Variants in PEPD observed in about 807,000 individuals in gnomAD.
The protein encoded by PEPD is peptidase D.
PEPD carries 53 observed loss-of-function variants against 60.7 expected under a neutral mutation model. That is an observed-to-expected ratio of 0.87 (90% confidence interval 0.70 to 1.10). The LOEUF (loss-of-function observed/expected upper bound fraction) is 1.10, where lower values mean the gene tolerates loss of function less well. Among genes scored for constraint, PEPD ranks in the 50% least tolerant of loss-of-function variants. PEPD has a pLI of 0.00. For synonymous variants in PEPD, 267 were observed against 284.1 expected (o/e 0.94, Z 0.60); for missense variants, 711 against 711.9 (o/e 1.00, Z 0.01).
At chr19:33,469,191 C>G (rs1970076186) in intron 7 of PEPD, among the ~76,000 whole-genome samples, 2 of 152,162 alleles carry the variant, frequency 1.3e-5, no homozygotes, top group African/African-American at 4.8e-5. Context: ...AGATCCCTGG[C>G]CCTTCTCTAT....
At chr19:33,479,852 T>C (rs1970283102) in intron 6 of PEPD, among the ~76,000 whole-genome samples, 3 of 152,254 alleles carry the variant, frequency 2.0e-5, no homozygotes, top group Admixed American at 2.0e-4. Context: ...TTCCATGTGT[T>C]TGCTATTGTG....
At chr19:33,497,644 C>T (rs1236414349) in intron 4 of PEPD, among the ~76,000 whole-genome samples, 5 of 152,314 alleles carry the variant, frequency 3.3e-5, no homozygotes, top group African/African-American at 9.6e-5. Flanking sequence ...ACAGCTAAGG[C>T]CACCCCAAGT....
At chr19:33,419,191 C>G (rs1194351166) in intron 9 of PEPD, among the ~76,000 whole-genome samples, 2 of 152,104 alleles carry the variant, frequency 1.3e-5, no homozygotes, top group African/African-American at 4.8e-5. Flanking sequence ...CTTGCATGGA[C>G]CATCTCCATG....
At chr19:33,486,272 C>A (rs1271315767) in intron 6 of PEPD, among the ~76,000 whole-genome samples, 2 of 133,374 alleles carry the variant, frequency 1.5e-5, no homozygotes, top group Admixed American at 7.9e-5. Context: ...CCCCATCATG[C>A]CCCCGCCAGG....
chr19:33,415,393 C>T (rs781242886), intron 9 of PEPD, among the ~76,000 whole-genome samples: 7 of 152,154 alleles, frequency 4.6e-5, no homozygotes, highest in South Asian at 2.1e-4. Flanking sequence ...AGCGGCAGGC[C>T]GGGCGCAGTG....
At chr19:33,489,334 G>C (rs954450072) in intron 6 of PEPD, among the ~76,000 whole-genome samples, 1 of 152,138 alleles carries the variant, frequency 6.6e-6, no homozygotes, top group African/African-American at 2.4e-5. Flanking sequence ...CTGGGACTAA[G>C]AGAGGGGGCT....
intron 9 of PEPD, among the ~76,000 whole-genome samples, chr19:33,459,075 G>A (rs905875120): frequency 1.3e-5 from 2 of 152,044 alleles, no homozygotes; most frequent in African/African-American, 4.8e-5. Flanking sequence ...GGGACTGACG[G>A]GGACAGGAGC....
intron 9 of PEPD, among the ~76,000 whole-genome samples, chr19:33,418,954 G>A (rs568034150): frequency 3.3e-5 from 5 of 152,148 alleles, no homozygotes; most frequent in South Asian, 2.1e-4. Flanking sequence ...CCGTGTAGCC[G>A]GCACCAACAT....
chr19:33,389,443 A>G (rs12610925), intron 13 of PEPD, among the ~76,000 whole-genome samples: 62,498 of 152,048 alleles, frequency 0.41, 13,783 homozygotes, highest in African/African-American at 0.57. Context: ...TGGGGGTCCC[A>G]GGGTCTCTGC....
At chr19:33,474,885 T>G (rs1970188255) in intron 7 of PEPD, among the ~76,000 whole-genome samples, 1 of 148,542 alleles carries the variant, frequency 6.7e-6, no homozygotes, top group Non-Finnish European at 1.5e-5. Context: ...AAGGCTGAGG[T>G]GGGAGGATCG....
intron 9 of PEPD, among the ~76,000 whole-genome samples, chr19:33,457,858 C>CAAAAACAGAAA (rs71181358): frequency 4.6e-5 from 7 of 151,966 alleles, no homozygotes; most frequent in African/African-American, 1.7e-4. Flanking sequence ...AACAAGCAAA[C>CAAAAACAGAAA]AAAAAGAGAA....
intron 5 of PEPD, among the ~76,000 whole-genome samples, chr19:33,491,555 C>A (rs771742346): frequency 6.6e-6 from 1 of 152,210 alleles, no homozygotes; most frequent in Non-Finnish European, 1.5e-5. Flanking sequence ...CACTCTCCAG[C>A]AGTTTTGCCA....
chr19:33,395,051 C>T (rs1017070365), intron 12 of PEPD: 2 of 152,256 alleles, frequency 1.3e-5, no homozygotes, highest in African/African-American at 4.8e-5. Context: ...CTCCCTCACC[C>T]ACTCCTGGGT....
chr19:33,448,841 T>C (rs148254823), intron 9 of PEPD, among the ~76,000 whole-genome samples: 1 of 152,244 alleles, frequency 6.6e-6, no homozygotes, highest in African/African-American at 2.4e-5. Context: ...ATTTTTCAAA[T>C]TTGGTTGACT....
At chr19:33,480,456 A>G (rs935481844) in intron 6 of PEPD, among the ~76,000 whole-genome samples, 6 of 152,276 alleles carry the variant, frequency 3.9e-5, no homozygotes, top group African/African-American at 1.4e-4. Context: ...TCAATAATCT[A>G]CTTTCGGTAA....
In PEPD at chr19:33,521,731, G is replaced by C. The variant is rs1383617955; in HGVS notation, c.17+13C>G. 1 of 1,580,394 alleles carries C rather than the reference G, an allele frequency of 6.3e-7. No individual in the cohort carries two copies. The highest frequency in any genetic ancestry group is 1.7e-5 in the Admixed American group (1 of 57,476). On this transcript the variant is annotated intron_variant, in intron 1 of 14. Coordinates refer to ENST00000244137, the MANE Select transcript of PEPD (RefSeq NM_000285.4). Reference sequence around the variant, plus strand: ...ACGCCAGCGGGAAAGAGCGAGGGAGGCGCAGCACTCACCCGGTGGCCGCCG... The same window carrying C: ...ACGCCAGCGGGAAAGAGCGAGGGAGCCGCAGCACTCACCCGGTGGCCGCCG...
At chr19:33,418,377 T>C (rs879937390) in intron 9 of PEPD, among the ~76,000 whole-genome samples, 2 of 152,186 alleles carry the variant, frequency 1.3e-5, no homozygotes, top group Non-Finnish European at 2.9e-5. Flanking sequence ...AGAGCGTGCC[T>C]TATGGTCCCC....
chr19:33,476,373 C>T (rs957991061), intron 7 of PEPD, among the ~76,000 whole-genome samples: 8 of 152,192 alleles, frequency 5.3e-5, no homozygotes, highest in African/African-American at 1.9e-4. Context: ...CCCCAAGTCC[C>T]AGATCTGCCC....
chr19:33,404,711 G>A (rs1968578551), intron 11 of PEPD, among the ~76,000 whole-genome samples: 1 of 152,140 alleles, frequency 6.6e-6, no homozygotes, highest in South Asian at 2.1e-4. Flanking sequence ...CTTTCTGGAG[G>A]GGGAAGTATA....
Sources: gnomAD v4.1 joint callset for allele counts (sites outside exome capture counted in the v4.1 genomes callset) on GRCh38, gnomAD v4.1.1 for gene constraint, MANE v1.5 for transcripts, NCBI Gene and HGNC (gene_info 2026-07-23, HGNC 2026-07-21) for gene names.